WSCD2: variants seen among roughly 807,000 people sequenced by gnomAD.
WSCD2 encodes the protein sialate:O-sulfotransferase 2.
WSCD2 carries 28 observed loss-of-function variants against 55.7 expected under a neutral mutation model. The ratio of observed to expected loss-of-function variants is 0.50; its 90% CI spans 0.37 to 0.69. The LOEUF (loss-of-function observed/expected upper bound fraction) is 0.69, where lower values mean the gene tolerates loss of function less well. Among genes scored for constraint, WSCD2 ranks in the 30% least tolerant of loss-of-function variants. The probability of loss-of-function intolerance (pLI) is 0.00; values close to 1 mark genes in which losing one functional copy is unlikely to be tolerated. For missense variants in WSCD2, 616 were observed against 762.1 expected, an observed-to-expected ratio of 0.81 and a Z score of 2.26; for synonymous variants, 301 against 301.9, an observed-to-expected ratio of 1.00 and a Z score of 0.03.
chr12:108,210,286 C>A lies in WSCD2; in HGVS notation c.663C>A (p.Ala221=). Residue 221 remains alanine (A), a synonymous_variant, in exon 4 of 9, where the codon GCC becomes GCA. Coordinates refer to ENST00000547525, the MANE Select transcript of WSCD2 (RefSeq NM_014653.4). This position sits in a 1 kb window ranked among gnomAD's most constrained non-coding sequence, Gnocchi z 4.3. ...TCTCTGTCTACCGGCTGCAGCTGGC[C>A]CAGGAGTCGGCCCGCAGGTGTACGT... ...NRLSVYRLQL[A]QESARRYGSA... is the part of the protein sequence containing the mutation. The A allele has an allele frequency of 6.3e-7, 1 of 1,595,718 alleles. No individual in the cohort carries two copies.
chr12:108,240,472 C>T lies in WSCD2; in HGVS notation c.1273C>T (p.Leu425Phe), dbSNP rs1447460191. Residue 425 changes from leucine (L) to phenylalanine (F), a missense_variant, in exon 8 of 9, where the codon CTC (leucine) becomes TTC (phenylalanine). Leu to Phe is a conservative substitution (Grantham distance 22). Coordinates refer to ENST00000547525, the MANE Select transcript of WSCD2 (RefSeq NM_014653.4). ...GCTCATCCGCAACCCCTACAAAGCC[C>T]TCATGGCTGAGTTCAACCGCAAGTA... Reference protein sequence around the residue: ...ILLIRNPYKALMAEFNRKYGG... With the variant: ...ILLIRNPYKAFMAEFNRKYGG... The T allele has an allele frequency of 6.2e-7, 1 of 1,614,042 alleles. No individual in the cohort carries two copies. Among genetic ancestry groups the T allele is most frequent in the South Asian group, 1.1e-5 (1 of 91,082 alleles).
rs1003155103 is a variant in WSCD2 at position 108,166,741 on chromosome 12, T to C, written c.-551-28541T>C. On this transcript the variant is annotated intron_variant, in intron 1 of 8. Transcript: ENST00000547525. Reference sequence around the variant, plus strand: ...CTCCTTCTTTCTCTTTCTTTCTTTCTTTCCTTCTTTCTTTCTTTCTTTTCT... The same window carrying C: ...CTCCTTCTTTCTCTTTCTTTCTTTCCTTCCTTCTTTCTTTCTTTCTTTTCT... 8.8e-4 allele frequency among the ~76,000 whole-genome samples: 50 copies of C among 56,530 alleles called. No individual in the cohort carries two copies. In the East Asian group the frequency reaches 0.014, roughly 16 times the overall value. The allele number at this position is 56,530 out of a possible 152,430, so 37.1% of individuals were successfully genotyped here.
At chr12:108,204,384 TTCTC>T (rs1157651712) in intron 2 of WSCD2, among the ~76,000 whole-genome samples, 2 of 152,084 alleles carry the variant, frequency 1.3e-5, no homozygotes, top group African/African-American at 4.8e-5. Context: ...TTCCTGCTCT[TTCTC>T]CCTCCAGCTC....
intron 1 of WSCD2, among the ~76,000 whole-genome samples, chr12:108,134,939 G>GTTTTTAACCATGATGTCATA (rs1318027818): frequency 6.6e-5 from 10 of 152,150 alleles, no homozygotes; most frequent in Admixed American, 6.5e-4. Context: ...CAGAGACCGT[G>GTTTTTAACCATGATGTCATA]TTTTTAACCA....
intron 4 of WSCD2, among the ~76,000 whole-genome samples, chr12:108,212,023 G>A (rs960754856): frequency 6.6e-6 from 1 of 151,870 alleles, no homozygotes; most frequent in Non-Finnish European, 1.5e-5. Context: ...TCAAGCATGC[G>A]GTCAATTTGC....
chr12:108,181,707 T>C (rs1881788744), intron 1 of WSCD2, among the ~76,000 whole-genome samples: 1 of 152,196 alleles, frequency 6.6e-6, no homozygotes, highest in African/African-American at 2.4e-5. Flanking sequence ...TTCCTGGGCT[T>C]AAGCCTTGCC....
intron 7 of WSCD2, among the ~76,000 whole-genome samples, chr12:108,235,176 A>G (rs1889154190): frequency 6.6e-6 from 1 of 152,220 alleles, no homozygotes; most frequent in Non-Finnish European, 1.5e-5. Context: ...TCTATAATAC[A>G]GGAATGTCAG....
chr12:108,220,142 T>A (rs1419201464), intron 4 of WSCD2, among the ~76,000 whole-genome samples: 1 of 152,210 alleles, frequency 6.6e-6, no homozygotes, highest in Non-Finnish European at 1.5e-5. Flanking sequence ...ATTCCTAGGT[T>A]GGAATCCAGA....
intron 3 of WSCD2, among the ~76,000 whole-genome samples, chr12:108,209,128 G>C (rs889047862): frequency 6.6e-6 from 1 of 152,184 alleles, no homozygotes; most frequent in African/African-American, 2.4e-5. Context: ...GAGTGGGGTA[G>C]CCACTAAGCG....
intron 5 of WSCD2, among the ~76,000 whole-genome samples, chr12:108,226,724 G>T (rs1231613761): frequency 6.6e-6 from 1 of 152,174 alleles, no homozygotes; most frequent in Admixed American, 6.5e-5. Flanking sequence ...ATTAGTGGTA[G>T]CCATACAAAG....
intron 1 of WSCD2, among the ~76,000 whole-genome samples, chr12:108,190,265 C>T (rs1442499325): frequency 6.6e-6 from 1 of 152,042 alleles, no homozygotes; most frequent in Non-Finnish European, 1.5e-5. Flanking sequence ...CCTGGGCTCC[C>T]CAGTTTCTTG....
intron 2 of WSCD2, among the ~76,000 whole-genome samples, chr12:108,204,114 A>T (rs1267176731): frequency 1.3e-5 from 2 of 152,222 alleles, no homozygotes; most frequent in East Asian, 3.8e-4. Context: ...GTTCATAAGA[A>T]GTTTGTGAAG....
chr12:108,192,510 G>C (rs777559429), intron 1 of WSCD2, among the ~76,000 whole-genome samples: 12 of 152,110 alleles, frequency 7.9e-5, no homozygotes, highest in Non-Finnish European at 1.6e-4. Flanking sequence ...GAAACATCTG[G>C]CACGTGTTGG....
chr12:108,189,416 G>A (rs1222247890), intron 1 of WSCD2: 1 of 152,196 alleles, frequency 6.6e-6, no homozygotes, highest in Non-Finnish European at 1.5e-5. Context: ...CATATTTGCA[G>A]CTGCTTCCAA....
intron 3 of WSCD2, among the ~76,000 whole-genome samples, chr12:108,207,090 G>A (rs1426858615): frequency 6.6e-6 from 1 of 152,186 alleles, no homozygotes; most frequent in Non-Finnish European, 1.5e-5. Flanking sequence ...TGGGACTAGG[G>A]GGGAGTGAGT....
rs375448975 is a variant in WSCD2 at position 108,195,996 on chromosome 12, C to G, written c.164C>G (p.Ala55Gly). ...VSGNQANPAA[A>G]GGPAEGAELS... The stretch of plus-strand genomic sequence containing the variant: ...GGGAACCAGGCGAACCCCGCTGCTG[C>G]AGGAGGCCCAGCTGAGGGTGCTGAG... The change falls in exon 2 of 9, where the codon GCA becomes GGA. Residue 55 changes from alanine (A) to glycine (G), a missense_variant. Physicochemically the swap from Ala to Gly is moderately conservative, Grantham distance 60 (BLOSUM62 0). This residue lies in a region of WSCD2 where 374 missense variants were observed against 467.4 expected (regional missense o/e 0.80). Coordinates refer to ENST00000547525, the MANE Select transcript of WSCD2 (RefSeq NM_014653.4). 3.3e-5 allele frequency: 54 copies of G among 1,614,140 alleles called. No individual in the cohort carries two copies. The highest frequency in any genetic ancestry group is 4.2e-5 in the Non-Finnish European group (50 of 1,180,056).
intron 1 of WSCD2, among the ~76,000 whole-genome samples, chr12:108,168,227 A>T (rs1305648238): frequency 2.0e-5 from 3 of 152,174 alleles, no homozygotes; most frequent in African/African-American, 7.2e-5. Context: ...AGCTGGTTAG[A>T]CAGTAGGGCT....
At chr12:108,174,342 C>T (rs1349989651) in intron 1 of WSCD2, among the ~76,000 whole-genome samples, 1 of 152,142 alleles carries the variant, frequency 6.6e-6, no homozygotes, top group Non-Finnish European at 1.5e-5. Context: ...CAGACATTTC[C>T]AGGCTTAAAT....
Position 108,232,900 on chromosome 12 carries a change from G to A in WSCD2, c.1144+5G>A, listed in dbSNP as rs1888921202. 6.2e-7 allele frequency: 1 copy of A among 1,608,278 alleles called. No individual in the cohort carries two copies. The highest frequency in any genetic ancestry group is 1.3e-5 in the African/African-American group (1 of 74,840). ...ATGGCTCCCTCTACAACAAAGGTGA[G>A]GAGATGGCAGGGAGGGCAGGGCAAG... On this transcript the variant is annotated splice_donor_5th_base_variant and intron_variant, in intron 7 of 8. Coordinates refer to ENST00000547525, the MANE Select transcript of WSCD2 (RefSeq NM_014653.4).
Sources: allele counts gnomAD v4.1 joint callset (sites outside exome capture counted in the v4.1 genomes callset), GRCh38; gene constraint gnomAD v4.1.1; regional missense constraint gnomAD v4.1.1; non-coding constraint Gnocchi (gnomAD v3.1); transcripts MANE v1.5; gene names NCBI Gene and HGNC (gene_info 2026-07-23, HGNC 2026-07-21).